NDUFA5: variants seen among roughly 807,000 people sequenced by gnomAD.
The protein encoded by NDUFA5 is NADH:ubiquinone oxidoreductase subunit A5.
In NDUFA5, 11 loss-of-function variants were observed where a neutral mutation model predicts 19.8. That is an observed-to-expected ratio of 0.56 (90% CI 0.35 to 0.92). The LOEUF is 0.92. Among genes scored for constraint, NDUFA5 ranks in the 40% least tolerant of loss-of-function variants. The pLI, the probability that NDUFA5 is intolerant of heterozygous loss-of-function variation, is 0.01. For missense variants in NDUFA5, 109 were observed against 134.2 expected (o/e 0.81, Z 0.93); for synonymous variants, 47 against 46.8 (o/e 1.00, Z -0.01).
At chr7:123,587,520 T>G in the NDUFA5 span, among the ~76,000 whole-genome samples, 1 of 151,632 alleles carries the variant, frequency 6.6e-6, no homozygotes, top group African/African-American at 2.4e-5. Context: ...CCTTTTCTAT[T>G]TGGATGCCTT....
At chr7:123,548,597 G>A (rs1798217420) in intron 3 of NDUFA5, among the ~76,000 whole-genome samples, 1 of 152,220 alleles carries the variant, frequency 6.6e-6, no homozygotes, top group Non-Finnish European at 1.5e-5. Flanking sequence ...ACTGCCAGCA[G>A]TTTGGTACTG....
chr7:123,580,570 A>T, the NDUFA5 span, among the ~76,000 whole-genome samples: 1 of 152,068 alleles, frequency 6.6e-6, no homozygotes, highest in Non-Finnish European at 1.5e-5. Context: ...GTTAAATGAG[A>T]TAATGCATAT....
chr7:123,549,892 A>G (rs1217649918), intron 3 of NDUFA5, among the ~76,000 whole-genome samples: 3 of 152,248 alleles, frequency 2.0e-5, no homozygotes, highest in Admixed American at 2.0e-4. Context: ...GAAGAAATAT[A>G]TGTGACTAGG....
chr7:123,589,830 T>C, the NDUFA5 span, among the ~76,000 whole-genome samples: 1 of 152,224 alleles, frequency 6.6e-6, no homozygotes, highest in Non-Finnish European at 1.5e-5. Context: ...TTCGGGTATA[T>C]ACCCAGTAAT....
the NDUFA5 span, among the ~76,000 whole-genome samples, chr7:123,589,059 G>C: frequency 1.3e-5 from 2 of 151,636 alleles, no homozygotes; most frequent in Non-Finnish European, 2.9e-5. Flanking sequence ...GCATATGTCT[G>C]TTAGGTTCAT....
chr7:123,572,871 T>G, the NDUFA5 span, among the ~76,000 whole-genome samples: 1 of 152,160 alleles, frequency 6.6e-6, no homozygotes, highest in Non-Finnish European at 1.5e-5. Context: ...TTCTATACCC[T>G]TATTTTATGC....
the NDUFA5 span, among the ~76,000 whole-genome samples, chr7:123,591,964 C>T: frequency 6.6e-6 from 1 of 152,120 alleles, no homozygotes; most frequent in Non-Finnish European, 1.5e-5. Flanking sequence ...TTAATTAATG[C>T]CTCAATTTCA....
At chr7:123,546,728 T>G in intron 3 of NDUFA5, 1 of 1,276,758 alleles carries the variant, frequency 7.8e-7, no homozygotes, top group Non-Finnish European at 1.0e-6. Context: ...CCAGGGTATC[T>G]GCATCACTTG....
In NDUFA5 at chr7:123,557,810, C is replaced by G; in HGVS notation, c.-15G>C. The G allele has an allele frequency of 6.2e-7, 1 of 1,614,148 alleles. No homozygotes were observed. Among genetic ancestry groups the G allele is most frequent in the Non-Finnish European group, 8.5e-7 (1 of 1,180,028 alleles). ...ACACCCGCCATGACAGCGCCAACGA[C>G]TCGGTGACGCACAACCCTTTGGGAA... is the stretch of plus-strand genomic sequence containing the variant. On this transcript the variant is annotated 5_prime_UTR_variant, in exon 1 of 5. Coordinates refer to ENST00000355749, the MANE Select transcript of NDUFA5 (RefSeq NM_005000.5).
At chr7:123,584,079 C>A in the NDUFA5 span, among the ~76,000 whole-genome samples, 1 of 151,842 alleles carries the variant, frequency 6.6e-6, no homozygotes, top group African/African-American at 2.4e-5. Flanking sequence ...CTTCTAGCCA[C>A]ACGGTTTTAA....
chr7:123,548,383 G>A (rs1798211296), intron 3 of NDUFA5, among the ~76,000 whole-genome samples: 1 of 152,088 alleles, frequency 6.6e-6, no homozygotes, highest in South Asian at 2.1e-4. Flanking sequence ...GCTTATGGCT[G>A]GTGGAGACAT....
At chr7:123,553,947 C>T (rs1472368596) in intron 2 of NDUFA5, among the ~76,000 whole-genome samples, 1 of 152,150 alleles carries the variant, frequency 6.6e-6, no homozygotes, top group Non-Finnish European at 1.5e-5. Context: ...GATGGTAGAT[C>T]ATAGAAACTT....
chr7:123,584,365 G>A, the NDUFA5 span, among the ~76,000 whole-genome samples: 1 of 150,966 alleles, frequency 6.6e-6, no homozygotes, highest in Non-Finnish European at 1.5e-5. Context: ...ATGTCCTGAT[G>A]CACAGAAATT....
At chr7:123,578,689 A>G in the NDUFA5 span, among the ~76,000 whole-genome samples, 3 of 152,090 alleles carry the variant, frequency 2.0e-5, no homozygotes, top group East Asian at 3.9e-4. Context: ...TCAATAGCTT[A>G]GTCTTTTCTT....
the NDUFA5 span, among the ~76,000 whole-genome samples, chr7:123,569,241 A>T: frequency 6.6e-6 from 1 of 152,164 alleles, no homozygotes; most frequent in African/African-American, 2.4e-5. Context: ...CAACATCTTA[A>T]CATTGAGGGA....
At chr7:123,551,352 G>C (rs563420701) in intron 2 of NDUFA5, 1 of 154,460 alleles carries the variant, frequency 6.5e-6, no homozygotes, top group South Asian at 2.1e-4. Flanking sequence ...GGGATTACAG[G>C]TACCCGCCAC....
intron 4 of NDUFA5, among the ~76,000 whole-genome samples, chr7:123,544,861 C>A (rs1798073472): frequency 6.6e-6 from 1 of 150,710 alleles, no homozygotes; most frequent in African/African-American, 2.4e-5. Context: ...ATATTTCCAG[C>A]CTATTTACAT....
the NDUFA5 span, among the ~76,000 whole-genome samples, chr7:123,583,753 C>T: frequency 2.6e-5 from 4 of 151,900 alleles, no homozygotes; most frequent in African/African-American, 9.6e-5. Flanking sequence ...CTCTTTTCCT[C>T]ATAACATCTT....
chr7:123,588,816 T>G, the NDUFA5 span, among the ~76,000 whole-genome samples: 1 of 151,960 alleles, frequency 6.6e-6, no homozygotes, highest in South Asian at 2.1e-4. Flanking sequence ...CCTTTTGATT[T>G]CTTTTTTGAC....
Sources: gnomAD v4.1 joint callset for allele counts (sites outside exome capture counted in the v4.1 genomes callset) on GRCh38, gnomAD v4.1.1 for gene constraint, MANE v1.5 for transcripts, NCBI Gene and HGNC (gene_info 2026-07-23, HGNC 2026-07-21) for gene names.